The following TENT4B variants were observed in gnomAD, a reference collection of about 807,000 sequenced individuals.
The protein encoded by TENT4B is PAP associated domain containing 5.
In TENT4B, 10 loss-of-function variants were observed where a neutral mutation model predicts 75.0. The ratio of observed to expected loss-of-function variants is 0.13; its 90% CI spans 0.08 to 0.23. TENT4B has a LOEUF of 0.23. Among genes scored for constraint, TENT4B ranks in the 10% least tolerant of loss-of-function variants. TENT4B has a pLI of 1.00. For synonymous variants in TENT4B, 350 were observed against 357.7 expected (o/e 0.98, Z 0.24); for missense variants, 579 against 893.8 (o/e 0.65, Z 4.49).
intron 1 of TENT4B, among the ~76,000 whole-genome samples, chr16:50,188,523 C>T (rs1295708722): frequency 6.6e-6 from 1 of 152,202 alleles, no homozygotes; most frequent in African/African-American, 2.4e-5. Context: ...CCAGAACAGG[C>T]TTATACTAAT....
chr16:50,205,269 G>T (rs570690367), intron 1 of TENT4B, among the ~76,000 whole-genome samples: 13 of 152,042 alleles, frequency 8.6e-5, no homozygotes, highest in African/African-American at 2.9e-4. Context: ...TTTCACATGG[G>T]AAAATATAAA....
At chr16:50,211,219 G>A in intron 1 of TENT4B, 104 bp from the exon 2 acceptor site, 2 of 1,170,562 alleles carry the variant, frequency 1.7e-6, no homozygotes, top group South Asian at 3.4e-5. Flanking sequence ...AATTAAGGTA[G>A]TCATCAGCTG....
At chr16:50,167,385 G>GTT (rs34758987) in intron 1 of TENT4B, among the ~76,000 whole-genome samples, 2,918 of 141,704 alleles carry the variant, frequency 0.021, 97 homozygotes, top group African/African-American at 0.072. Flanking sequence ...CATGCTGTGG[G>GTT]TTTTTTTTTT....
chr16:50,218,604 G>A (rs1015027305), intron 5 of TENT4B, among the ~76,000 whole-genome samples: 1 of 151,826 alleles, frequency 6.6e-6, no homozygotes, highest in Non-Finnish European at 1.5e-5. Flanking sequence ...CGCCTACCTC[G>A]GCCTCCCAAA....
intron 1 of TENT4B, among the ~76,000 whole-genome samples, chr16:50,154,548 C>T (rs2037852349): frequency 6.6e-6 from 1 of 151,154 alleles, no homozygotes; most frequent in African/African-American, 2.4e-5. Context: ...CCCCTTTATC[C>T]ATTCACTCTC....
chr16:50,229,005 C>G, intron 11 of TENT4B, 147 bp from the exon 12 acceptor site: 1 of 1,443,650 alleles, frequency 6.9e-7, no homozygotes, highest in East Asian at 2.6e-5. Context: ...ACAGCTTTTT[C>G]TGCCCACTAG....
intron 1 of TENT4B, among the ~76,000 whole-genome samples, chr16:50,188,102 G>A (rs1236743630): frequency 6.6e-6 from 1 of 152,126 alleles, no homozygotes; most frequent in Non-Finnish European, 1.5e-5. Flanking sequence ...AAGTTTACAA[G>A]TTAAAGACAG....
intron 1 of TENT4B, among the ~76,000 whole-genome samples, chr16:50,173,802 T>C (rs1445939754): frequency 6.6e-6 from 1 of 152,154 alleles, no homozygotes; most frequent in Non-Finnish European, 1.5e-5. Context: ...CAAGTGATTC[T>C]CCTGCCTCAG....
intron 5 of TENT4B, among the ~76,000 whole-genome samples, chr16:50,221,252 A>C (rs2031814877): frequency 6.6e-6 from 1 of 152,208 alleles, no homozygotes; most frequent in African/African-American, 2.4e-5. Context: ...TGAGGGGGAA[A>C]AAAATGGAAA....
chr16:50,158,508 C>A (rs2037943724), intron 1 of TENT4B, among the ~76,000 whole-genome samples: 1 of 152,164 alleles, frequency 6.6e-6, no homozygotes, highest in African/African-American at 2.4e-5. Flanking sequence ...GAGCCATAAA[C>A]CCTTTTCTTT....
At chr16:50,191,464 G>A (rs148466833) in intron 1 of TENT4B, among the ~76,000 whole-genome samples, 32 of 152,026 alleles carry the variant, frequency 2.1e-4, no homozygotes, top group African/African-American at 7.2e-4. Flanking sequence ...TGTAGAGATG[G>A]CATCTTACTG....
chr16:50,172,715 A>G (rs1370890007), intron 1 of TENT4B, among the ~76,000 whole-genome samples: 1 of 152,078 alleles, frequency 6.6e-6, no homozygotes, highest in East Asian at 1.9e-4. Flanking sequence ...TGCAGTTTCT[A>G]TGAGTGTTGG....
At position 50,233,919 on chromosome 16, in the gene TENT4B, T is replaced by A; in HGVS notation, c.*4591T>A. ...AATGATGTGGAAATCAGGTGTTCTCTTGTGTATTTCAGTGAACATTTTTAT... is the reference window on the plus strand; with the variant it reads ...AATGATGTGGAAATCAGGTGTTCTCATGTGTATTTCAGTGAACATTTTTAT... On this transcript the variant is annotated 3_prime_UTR_variant, in exon 12 of 12. Coordinates refer to ENST00000561678, the MANE Select transcript of TENT4B (RefSeq NM_001365324.3). 1 of 985,470 alleles carries A rather than the reference T, an allele frequency of 1.0e-6. No homozygotes were observed. The highest frequency in any genetic ancestry group is 1.2e-6 in the Non-Finnish European group (1 of 829,940). The allele number at this position is 985,470 out of a possible 1,614,324, so 61.0% of individuals were successfully genotyped here.
chr16:50,224,377 G>A (rs2031954094), intron 7 of TENT4B, among the ~76,000 whole-genome samples: 1 of 152,142 alleles, frequency 6.6e-6, no homozygotes, highest in African/African-American at 2.4e-5. Flanking sequence ...GAGTGAACAG[G>A]GCACTATTTC....
intron 1 of TENT4B, among the ~76,000 whole-genome samples, chr16:50,175,035 C>T (rs1210469904): frequency 1.3e-5 from 2 of 152,124 alleles, no homozygotes; most frequent in Non-Finnish European, 2.9e-5. Context: ...GCCACCATGC[C>T]TGGCCCCTCT....
chr16:50,217,944 T>A (rs999529414), intron 5 of TENT4B, among the ~76,000 whole-genome samples: 3 of 150,618 alleles, frequency 2.0e-5, no homozygotes, highest in African/African-American at 7.4e-5. Context: ...TTTTGTATTT[T>A]TTTTTTTTTT....
intron 1 of TENT4B, among the ~76,000 whole-genome samples, chr16:50,172,646 TATTG>T (rs1188156351): frequency 6.6e-6 from 1 of 152,022 alleles, no homozygotes; most frequent in African/African-American, 2.4e-5. Context: ...AAGAGCCAAA[TATTG>T]ATACATTACT....
intron 1 of TENT4B, among the ~76,000 whole-genome samples, chr16:50,189,815 G>GGCAGGCAGATCACTT (rs2038604673): frequency 6.6e-6 from 1 of 151,888 alleles, no homozygotes; most frequent in South Asian, 2.1e-4. Flanking sequence ...GGGAGGCCGA[G>GGCAGGCAGATCACTT]GCAGGCAGAT....
chr16:50,156,489 C>T (rs377288006), intron 1 of TENT4B, among the ~76,000 whole-genome samples: 174 of 152,026 alleles, frequency 1.1e-3, no homozygotes, highest in African/African-American at 4.1e-3. Flanking sequence ...GGATTACAGG[C>T]GCTTGCCACC....
Sources: allele counts gnomAD v4.1 joint callset (sites outside exome capture counted in the v4.1 genomes callset), GRCh38; gene constraint gnomAD v4.1.1; transcripts MANE v1.5; gene names NCBI Gene and HGNC (gene_info 2026-07-23, HGNC 2026-07-21).